The following ANKS3 variants were observed in gnomAD, a reference collection of about 807,000 sequenced individuals.
The protein encoded by ANKS3 is ankyrin repeat and sterile alpha motif domain containing 3, also known as ankyrin repeat and SAM domain-containing protein 3.
In ANKS3, 62 loss-of-function variants were observed where a neutral mutation model predicts 80.7. That is an observed-to-expected ratio of 0.77 (90% confidence interval 0.63 to 0.95). The LOEUF (loss-of-function observed/expected upper bound fraction) is 0.95. Ranked by LOEUF, ANKS3 falls within the 40% of genes least tolerant of loss-of-function variation. The pLI is 0.00. For missense variants in ANKS3, 1,150 were observed against 883.6 expected (o/e 1.30, Z -3.82); for synonymous variants, 489 against 355.3 (o/e 1.38, Z -4.23).
chr16:4,727,101 T>C lies in ANKS3; in HGVS notation c.247A>G (p.Thr83Ala), dbSNP rs1278332354. The C allele has an allele frequency of 2.5e-6, 4 of 1,614,064 alleles. No individual in the cohort carries two copies. Among genetic ancestry groups the C allele is most frequent in the Admixed American group, 1.7e-5 (1 of 59,998 alleles). Residue 83 changes from threonine to alanine, a missense_variant, in exon 4 of 18, where the codon ACA (threonine) becomes GCA (alanine). By Grantham distance (58) the Thr-to-Ala change is moderately conservative. Coordinates refer to ENST00000304283, the MANE Select transcript of ANKS3 (RefSeq NM_133450.4). ...GCCTCAAGCAGCAGGTGCACGATTG[T>C]GTCGTGGCCAATGTAGGAGGCATAC... ...LMYASYIGHD[T>A]IVHLLLEAGV...
intron 9 of ANKS3, chr16:4,701,764 A>C (rs1471247922): frequency 1.9e-6 from 1 of 526,014 alleles, no homozygotes; most frequent in Non-Finnish European, 3.4e-6. Context: ...CACCCGGAGC[A>C]GTGCTTGGCA....
At chr16:4,719,916 C>G (rs2080999381) in intron 6 of ANKS3, among the ~76,000 whole-genome samples, 1 of 152,004 alleles carries the variant, frequency 6.6e-6, no homozygotes, top group African/African-American at 2.4e-5. Context: ...GTAATCCCAG[C>G]ACTTTGGGAG....
chr16:4,728,510 T>C (rs148454715), intron 3 of ANKS3, among the ~76,000 whole-genome samples: 307 of 152,160 alleles, frequency 2.0e-3, no homozygotes, highest in African/African-American at 7.0e-3. Context: ...GCAGCAGGGC[T>C]CGAATGCACC....
At chr16:4,733,643 C>T (rs1007280917) in intron 1 of ANKS3, among the ~76,000 whole-genome samples, 4 of 152,102 alleles carry the variant, frequency 2.6e-5, no homozygotes, top group Non-Finnish European at 5.9e-5. Context: ...GTTTGTAACA[C>T]AAAGGATAAA....
At chr16:4,725,293 T>C (rs941263581) in intron 5 of ANKS3, among the ~76,000 whole-genome samples, 14 of 152,256 alleles carry the variant, frequency 9.2e-5, no homozygotes, top group African/African-American at 2.9e-4. Flanking sequence ...TTGCTTTTCA[T>C]GCTTGGTTAT....
At chr16:4,723,784 G>A (rs1027900437) in intron 6 of ANKS3, among the ~76,000 whole-genome samples, 3 of 152,110 alleles carry the variant, frequency 2.0e-5, no homozygotes, top group Middle Eastern at 3.2e-3. Flanking sequence ...GTTCTGTGTG[G>A]ACAGGCTTGC....
intron 9 of ANKS3, 72 bp downstream of exon 9, chr16:4,702,030 A>C: frequency 6.8e-7 from 1 of 1,478,528 alleles, no homozygotes; most frequent in Non-Finnish European, 9.0e-7. Flanking sequence ...CCCAGGGGAT[A>C]AGTGGGGATG....
intron 8 of ANKS3, among the ~76,000 whole-genome samples, chr16:4,704,031 G>A (rs924832100): frequency 2.0e-5 from 3 of 152,196 alleles, no homozygotes; most frequent in African/African-American, 2.4e-5. Context: ...CACTCAGAAC[G>A]ACCAGCCCGG....
intron 15 of ANKS3, 42 bp downstream of exon 15, chr16:4,697,935 C>A: frequency 1.4e-6 from 2 of 1,470,636 alleles, no homozygotes; most frequent in East Asian, 2.5e-5. Flanking sequence ...GGCTCCCCCA[C>A]CTTCCCCTCT....
chr16:4,715,498 A>T (rs1441541295), intron 6 of ANKS3, among the ~76,000 whole-genome samples: 1 of 152,214 alleles, frequency 6.6e-6, no homozygotes, highest in African/African-American at 2.4e-5. Context: ...CAGGAGGCTG[A>T]GGCAGGAGGA....
chr16:4,705,335 G>C (rs917065440), intron 7 of ANKS3, 82 bp from the exon 8 acceptor site: 1 of 1,506,866 alleles, frequency 6.6e-7, no homozygotes, highest in Admixed American at 2.0e-5. Flanking sequence ...GAAAGAAAGT[G>C]ACTGTCGCCG....
intron 10 of ANKS3, 88 bp from the exon 11 acceptor site, chr16:4,701,222 A>G: frequency 6.3e-7 from 1 of 1,577,410 alleles, no homozygotes; most frequent in South Asian, 1.1e-5. Context: ...GGGGCTTGAG[A>G]GGCTTCGTGA....
rs1053987512 is a variant in ANKS3 at position 4,714,080 on chromosome 16, G to A, written c.680C>T (p.Ser227Phe). Residue 227 changes from serine (S) to phenylalanine (F), a missense_variant, in exon 7 of 18, where the codon TCT (serine) becomes TTT (phenylalanine). Coordinates refer to ENST00000304283, the MANE Select transcript of ANKS3 (RefSeq NM_133450.4). ...GCTCCGATAGAGGCTCTTGGGCAGAGAGGGCGAGTAAGTGTCCATCAAGGC... is the reference window on the plus strand; with the variant it reads ...GCTCCGATAGAGGCTCTTGGGCAGAAAGGGCGAGTAAGTGTCCATCAAGGC... ...IVALMDTYSP[S>F]LPKSLYRSPE... 6 of 1,614,102 alleles carry A rather than the reference G, an allele frequency of 3.7e-6. No individual in the cohort carries two copies. The African/African-American group carries it at 5.3e-5, about 14-fold the overall frequency.
At chr16:4,707,893 T>C (rs555463969) in intron 7 of ANKS3, among the ~76,000 whole-genome samples, 2 of 152,036 alleles carry the variant, frequency 1.3e-5, no homozygotes, top group South Asian at 4.2e-4. Context: ...GGCGGATCAC[T>C]TGAGGTCAGG....
intron 3 of ANKS3, among the ~76,000 whole-genome samples, chr16:4,728,854 G>C (rs1007060126): frequency 6.6e-6 from 1 of 152,194 alleles, no homozygotes; most frequent in Admixed American, 6.5e-5. Context: ...GCCTCCTGTG[G>C]AGGGAGCGCA....
At chr16:4,705,335 G>A in intron 7 of ANKS3, 82 bp from the exon 8 acceptor site, 1 of 1,506,866 alleles carries the variant, frequency 6.6e-7, no homozygotes. Flanking sequence ...GAAAGAAAGT[G>A]ACTGTCGCCG....
In ANKS3 at chr16:4,698,075, G is replaced by A. The variant is rs760617540; in HGVS notation, c.1725-13C>T. On this transcript the variant is annotated splice_polypyrimidine_tract_variant and intron_variant, in intron 14 of 17. Coordinates refer to ENST00000304283, the MANE Select transcript of ANKS3 (RefSeq NM_133450.4). ...AGCTTGACAGGCTCTGCCAGACACA[G>A]AAACAAATATTGGTGAGAGCAGAGG... is the stretch of plus-strand genomic sequence containing the variant. 7 of 1,600,350 alleles carry A rather than the reference G, an allele frequency of 4.4e-6. No individual in the cohort carries two copies. The Admixed American group carries it at 1.0e-4, about 24-fold the overall frequency.
At chr16:4,701,911 C>T in intron 9 of ANKS3, 191 bp downstream of exon 9, 1 of 696,858 alleles carries the variant, frequency 1.4e-6, no homozygotes, top group Non-Finnish European at 2.2e-6. Flanking sequence ...CTCCCTTAAG[C>T]CGCACGGGGA....
chr16:4,730,042 G>A lies in ANKS3; in HGVS notation c.108C>T (p.Pro36=). Residue 36 remains proline (P), a synonymous_variant, in exon 3 of 18, where the codon CCC becomes CCT. Coordinates refer to ENST00000304283, the MANE Select transcript of ANKS3 (RefSeq NM_133450.4). ...TGGAAGCAGCTGTGTGAAGATCCAG[G>A]GGGACATCCAGCTCCTCCCCGCTGA... is the stretch of plus-strand genomic sequence containing the variant. ...TQVSGEELDV[P]LDLHTAASIG... 6.3e-7 allele frequency: 1 copy of A among 1,587,950 alleles called. No individual in the cohort carries two copies. Among genetic ancestry groups the A allele is most frequent in the African/African-American group, 1.4e-5 (1 of 73,962 alleles).
Sources: gnomAD v4.1 joint callset for allele counts (sites outside exome capture counted in the v4.1 genomes callset) on GRCh38, gnomAD v4.1.1 for gene constraint, MANE v1.5 for transcripts, NCBI Gene and HGNC (gene_info 2026-07-23, HGNC 2026-07-21) for gene names.